Variants in PRPSAP2 observed in about 807,000 individuals in gnomAD.
PRPSAP2 encodes the protein phosphoribosyl pyrophosphate synthase-associated protein 2.
Under a neutral mutation model 40.6 loss-of-function variants are expected in PRPSAP2, and 24 were observed. That is an observed-to-expected ratio of 0.59 (90% CI 0.43 to 0.83). The LOEUF is 0.83. PRPSAP2 is among the 40% of genes least tolerant of loss of function. PRPSAP2 has a pLI of 0.00. For synonymous variants in PRPSAP2, 149 were observed against 164.7 expected, an observed-to-expected ratio of 0.90 and a Z score of 0.73; for missense variants, 292 against 465.6, an observed-to-expected ratio of 0.63 and a Z score of 3.43.
intron 8 of PRPSAP2, among the ~76,000 whole-genome samples, chr17:18,892,741 A>AT (rs1252254393): frequency 1.1e-4 from 8 of 69,638 alleles, no homozygotes; most frequent in South Asian, 3.6e-4. Context: ...TTATTTATTT[A>AT]TTTATTTTTT....
chr17:18,882,057 C>T (rs1479106676), intron 6 of PRPSAP2, among the ~76,000 whole-genome samples: 4 of 148,996 alleles, frequency 2.7e-5, no homozygotes, highest in African/African-American at 7.4e-5. Context: ...GTCAGGCTGG[C>T]GTTGAACTCC....
At chr17:18,871,850 G>A (rs572608064) in intron 4 of PRPSAP2, among the ~76,000 whole-genome samples, 1 of 152,068 alleles carries the variant, frequency 6.6e-6, no homozygotes, top group East Asian at 2.0e-4. Context: ...AGTAGAGACG[G>A]GGTTTCTCTA....
intron 10 of PRPSAP2, among the ~76,000 whole-genome samples, chr17:18,925,329 C>G (rs2041914138): frequency 6.6e-6 from 1 of 152,220 alleles, no homozygotes; most frequent in Admixed American, 6.5e-5. Flanking sequence ...ACCCTGGTCT[C>G]TTTGCCTCAG....
intron 6 of PRPSAP2, among the ~76,000 whole-genome samples, chr17:18,880,243 C>A (rs1034736765): frequency 6.6e-6 from 1 of 152,198 alleles, no homozygotes; most frequent in Non-Finnish European, 1.5e-5. Context: ...ACCAGCCTTG[C>A]TTGATGGGCC....
intron 8 of PRPSAP2, among the ~76,000 whole-genome samples, chr17:18,907,106 A>T (rs58134603): frequency 0.013 from 1,934 of 152,170 alleles, 49 homozygotes; most frequent in African/African-American, 0.043. Flanking sequence ...GTAAGCAGTT[A>T]GTTAAGAACT....
At chr17:18,923,566 C>T (rs1361515111) in intron 9 of PRPSAP2, among the ~76,000 whole-genome samples, 2 of 152,194 alleles carry the variant, frequency 1.3e-5, no homozygotes, top group African/African-American at 2.4e-5. Flanking sequence ...TATGTAGGAA[C>T]ATGTCATCTG....
At chr17:18,871,569 C>T (rs1165148735) in intron 4 of PRPSAP2, among the ~76,000 whole-genome samples, 6 of 150,826 alleles carry the variant, frequency 4.0e-5, no homozygotes, top group African/African-American at 1.5e-4. Context: ...TCTTATTTAT[C>T]TTTGTTTCTC....
rs375967333 is a variant in PRPSAP2, at chr17:18,924,028, T to C, written c.804+44T>C. On this transcript the variant is annotated intron_variant, in intron 10 of 11. Transcript: ENST00000268835. ...TTATTAATTCTAGTATTTGCCATTG[T>C]TATTCTGTTGATTGATTGATTGATT... is the stretch of plus-strand genomic sequence containing the variant. 3.4e-5 allele frequency: 53 copies of C among 1,546,476 alleles called. No homozygotes were observed. The African/African-American group carries it at 6.6e-4, about 19-fold the overall frequency.
intron 4 of PRPSAP2, among the ~76,000 whole-genome samples, chr17:18,871,426 G>C (rs1791056166): frequency 6.6e-6 from 1 of 152,006 alleles, no homozygotes; most frequent in Admixed American, 6.6e-5. Flanking sequence ...TTCTATTTTA[G>C]AACAATCCCC....
chr17:18,912,641 G>A (rs571257308), intron 9 of PRPSAP2, among the ~76,000 whole-genome samples: 34 of 152,224 alleles, frequency 2.2e-4, no homozygotes, highest in African/African-American at 7.5e-4. Context: ...TCACTCTGAC[G>A]CACGTTTCTC....
intron 8 of PRPSAP2, among the ~76,000 whole-genome samples, chr17:18,910,158 A>G (rs942239019): frequency 1.3e-5 from 2 of 151,988 alleles, no homozygotes; most frequent in African/African-American, 4.8e-5. Context: ...AGTGGCTCAC[A>G]CCTGTAATCC....
At chr17:18,899,109 G>C (rs1481846213) in intron 8 of PRPSAP2, among the ~76,000 whole-genome samples, 8 of 152,060 alleles carry the variant, frequency 5.3e-5, no homozygotes, top group Non-Finnish European at 1.5e-5. Flanking sequence ...TCTCCATGTT[G>C]GTCAGGCTGG....
chr17:18,916,814 G>A (rs781087733), intron 9 of PRPSAP2, among the ~76,000 whole-genome samples: 1 of 152,208 alleles, frequency 6.6e-6, no homozygotes, highest in African/African-American at 2.4e-5. Context: ...CCTTGTTACT[G>A]TGTCCTCAGA....
Position 18,930,785 on chromosome 17 carries a change from CT to C in PRPSAP2, c.*89del. ...GATGGATTTCACAGGAACCGTCATG[CT>C]TGTTCCTCCCTCTCCCCTGTAACCT... On this transcript the variant is annotated 3_prime_UTR_variant, in exon 12 of 12. Coordinates refer to ENST00000268835, the MANE Select transcript of PRPSAP2 (RefSeq NM_002767.4). 1 of 1,225,684 alleles carries C rather than the reference CT, an allele frequency of 8.2e-7. No homozygotes were observed. Among genetic ancestry groups the C allele is most frequent in the Non-Finnish European group, 1.1e-6 (1 of 896,582 alleles). The allele number at this position is 1,225,684 out of a possible 1,614,324, so 75.9% of individuals were successfully genotyped here.
chr17:18,868,547 T>C lies in PRPSAP2; in HGVS notation c.172+1213T>C, dbSNP rs185371553. On this transcript the variant is annotated intron_variant, in intron 4 of 11. Coordinates refer to ENST00000268835, the MANE Select transcript of PRPSAP2 (RefSeq NM_002767.4). Reference sequence around the variant, plus strand: ...GGACAGCTTGCATGGGCTTGAGAGTTACACACCTTATCCTTGACAAGTTAT... The same window carrying C: ...GGACAGCTTGCATGGGCTTGAGAGTCACACACCTTATCCTTGACAAGTTAT... Among the ~76,000 whole-genome samples the C allele has an allele frequency of 1.8e-3, 269 of 152,116 alleles. No individual in the cohort carries two copies. The Middle Eastern group carries it at 0.02, about 12-fold the overall frequency.
chr17:18,877,136 C>T (rs911785469), intron 5 of PRPSAP2, among the ~76,000 whole-genome samples: 3 of 152,112 alleles, frequency 2.0e-5, no homozygotes, highest in African/African-American at 4.8e-5. Flanking sequence ...GCCAAGTGAC[C>T]GTGGACATGG....
intron 11 of PRPSAP2, among the ~76,000 whole-genome samples, chr17:18,929,358 A>AAATAATAATAATAATAATAAT (rs60559123): frequency 1.7e-4 from 24 of 144,768 alleles, no homozygotes; most frequent in African/African-American, 5.4e-4. Flanking sequence ...CTCTTGTCTC[A>AAATAATAATAATAATAATAAT]AATAATAATA....
chr17:18,911,166 TGCCGAGTC>T lies in PRPSAP2; in HGVS notation c.650_657del (p.Ala217GlyfsTer30), dbSNP rs2040936501. 1.2e-6 allele frequency: 2 copies of T among 1,613,978 alleles called. No individual in the cohort carries two copies. Among genetic ancestry groups the T allele is most frequent in the African/African-American group, 2.7e-5 (2 of 74,936 alleles). On this transcript the variant is annotated frameshift_variant, in exon 9 of 12. Coordinates refer to ENST00000268835, the MANE Select transcript of PRPSAP2 (RefSeq NM_002767.4). LOFTEE classifies it high-confidence loss of function. This position sits in a 1 kb window ranked among gnomAD's most constrained non-coding sequence, Gnocchi z 4.5. ...CAGTGATTCATGGAGAGGCGCAGGATGCCGAGTCGGACTTGGTGGATGGACGGCATTCC... is the reference window on the plus strand; with the variant it reads ...CAGTGATTCATGGAGAGGCGCAGGATGGACTTGGTGGATGGACGGCATTCC...
rs60892883 is a variant in PRPSAP2 at position 18,914,249 on chromosome 17, C to CTTTTTTTT, written c.733+3017_733+3024dup. 6.4e-4 allele frequency among the ~76,000 whole-genome samples: 31 copies of CTTTTTTTT among 48,102 alleles called. 6 individuals are homozygous for CTTTTTTTT. The highest frequency in any genetic ancestry group is 2.6e-3 in the African/African-American group (27 of 10,346). 31.6% of individuals were successfully genotyped at this position (48,102 alleles called of 152,430 possible). On this transcript the variant is annotated intron_variant, in intron 9 of 11. Coordinates refer to ENST00000268835, the MANE Select transcript of PRPSAP2 (RefSeq NM_002767.4). ...GAGTTCTGTCCTGAACATGTTTTTG[C>CTTTTTTTT]TTTTTTTTTTTTTTTTTTTTTTTTT...
Sources: gnomAD v4.1 joint callset for allele counts (sites outside exome capture counted in the v4.1 genomes callset) on GRCh38, gnomAD v4.1.1 for gene constraint, Gnocchi (gnomAD v3.1) non-coding constraint, MANE v1.5 for transcripts, NCBI Gene and HGNC (gene_info 2026-07-23, HGNC 2026-07-21) for gene names.